SIAH3: variants seen among roughly 807,000 people sequenced by gnomAD.
SIAH3 encodes siah E3 ubiquitin protein ligase family member 3, also known as seven in absentia homolog 3.
A neutral mutation model predicts 12.6 loss-of-function variants in SIAH3; 9 were observed. The observed-to-expected ratio is 0.72, with a 90% CI of 0.43 to 1.25. The LOEUF is 1.25. SIAH3 is among the 50% of genes most tolerant of loss of function. The pLI is 0.00. For missense variants in SIAH3, 390 were observed against 365.4 expected (o/e 1.07, Z -0.55); for synonymous variants, 154 against 151.1 (o/e 1.02, Z -0.14).
At chr13:45,791,045 G>A (rs1437400902) in intron 1 of SIAH3, among the ~76,000 whole-genome samples, 1 of 151,976 alleles carries the variant, frequency 6.6e-6, no homozygotes, top group Non-Finnish European at 1.5e-5. Context: ...GGCAGCTGTG[G>A]TCCCAGCTAC....
chr13:45,840,558 A>G (rs1376481921), intron 1 of SIAH3, among the ~76,000 whole-genome samples: 1 of 152,214 alleles, frequency 6.6e-6, no homozygotes, highest in African/African-American at 2.4e-5. Context: ...TTGGGAGGCT[A>G]TTCCAGCAAG....
chr13:45,803,553 A>G (rs2137559575), intron 1 of SIAH3, among the ~76,000 whole-genome samples: 1 of 152,332 alleles, frequency 6.6e-6, no homozygotes, highest in Non-Finnish European at 1.5e-5. Flanking sequence ...ATGAATGGGA[A>G]TTATCTTGGC....
chr13:45,821,632 C>T (rs989065425), intron 1 of SIAH3, among the ~76,000 whole-genome samples: 1 of 152,158 alleles, frequency 6.6e-6, no homozygotes, highest in African/African-American at 2.4e-5. Context: ...AACCATTGTC[C>T]TAATTAACTA....
intron 1 of SIAH3, among the ~76,000 whole-genome samples, chr13:45,794,682 C>T (rs183430761): frequency 1.3e-5 from 2 of 152,298 alleles, no homozygotes; most frequent in Non-Finnish European, 2.9e-5. Flanking sequence ...CTTTGCTCCT[C>T]CTTCACTTCT....
At position 45,780,517 on chromosome 13, in the gene SIAH3, C is replaced by T. The variant is rs769608914; in HGVS notation, c.*2866G>A. 6.6e-6 allele frequency: 1 copy of T among 152,270 alleles called. No homozygotes were observed. Among genetic ancestry groups the T allele is most frequent in the African/African-American group, 2.4e-5 (1 of 41,444 alleles). 9.4% of individuals were successfully genotyped at this position (152,270 alleles called of 1,614,324 possible). On this transcript the variant is annotated 3_prime_UTR_variant, in exon 2 of 2. Coordinates refer to ENST00000400405, the MANE Select transcript of SIAH3 (RefSeq NM_198849.3). ...TCCTGAGCTCAAGCAATCCTCCTTC[C>T]TTGGCCTCCCAAAGTCCTGGGATTA...
intron 1 of SIAH3, among the ~76,000 whole-genome samples, chr13:45,837,459 G>GAGGA (rs1485333341): frequency 6.6e-6 from 1 of 151,778 alleles, no homozygotes; most frequent in Non-Finnish European, 1.5e-5. Context: ...GGAAGGAAGG[G>GAGGA]AGGAAGGAAG....
chr13:45,816,304 G>A (rs1222140757), intron 1 of SIAH3, among the ~76,000 whole-genome samples: 2 of 152,170 alleles, frequency 1.3e-5, no homozygotes, highest in African/African-American at 4.8e-5. Flanking sequence ...TACCCTTGAG[G>A]CCCTGTTTCT....
At chr13:45,826,343 GA>G in intron 1 of SIAH3, among the ~76,000 whole-genome samples, 1 of 151,530 alleles carries the variant, frequency 6.6e-6, no homozygotes, top group Non-Finnish European at 1.5e-5. Context: ...ATGGATGGAT[GA>G]GTGGGTGGGT....
In SIAH3 at chr13:45,784,070, AG is replaced by A; in HGVS notation, c.136-14del. 6.4e-7 allele frequency: 1 copy of A among 1,561,100 alleles called. No individual in the cohort carries two copies. ...GACTGGACACATACTGTAAGGAAAG[AG>A]AAGAACGTCAGTGCGGGGATGAGGC... is the stretch of plus-strand genomic sequence containing the variant. On this transcript the variant is annotated splice_polypyrimidine_tract_variant and intron_variant, in intron 1 of 1. Coordinates refer to ENST00000400405, the MANE Select transcript of SIAH3 (RefSeq NM_198849.3).
intron 1 of SIAH3, among the ~76,000 whole-genome samples, chr13:45,827,996 A>G (rs1950684964): frequency 6.6e-6 from 1 of 152,074 alleles, no homozygotes; most frequent in Non-Finnish European, 1.5e-5. Flanking sequence ...CGAGGCCCAC[A>G]TTTTCATTTT....
chr13:45,792,444 G>T (rs1295985652), intron 1 of SIAH3, among the ~76,000 whole-genome samples: 3 of 150,134 alleles, frequency 2.0e-5, no homozygotes, highest in African/African-American at 7.4e-5. Flanking sequence ...TGCAACCTTC[G>T]CCTCCTGGGT....
chr13:45,838,747 C>G (rs576862660), intron 1 of SIAH3, among the ~76,000 whole-genome samples: 1 of 152,162 alleles, frequency 6.6e-6, no homozygotes, highest in East Asian at 1.9e-4. Flanking sequence ...AATGAGGTGA[C>G]TCTGGGGCCT....
chr13:45,820,828 C>T (rs918907197), intron 1 of SIAH3, among the ~76,000 whole-genome samples: 1 of 152,184 alleles, frequency 6.6e-6, no homozygotes, highest in Non-Finnish European at 1.5e-5. Context: ...GCACTTGCTT[C>T]CTGCTGCGTT....
At chr13:45,802,646 A>G (rs1950586172) in intron 1 of SIAH3, among the ~76,000 whole-genome samples, 1 of 152,220 alleles carries the variant, frequency 6.6e-6, no homozygotes, top group South Asian at 2.1e-4. Flanking sequence ...GCAATATTCT[A>G]AAACAGAGAT....
intron 1 of SIAH3, among the ~76,000 whole-genome samples, chr13:45,800,898 G>A (rs7986499): frequency 0.3 from 45,974 of 151,766 alleles, 7,701 homozygotes; most frequent in Non-Finnish European, 0.39. Flanking sequence ...TCGTCTTTGT[G>A]GGCGACCTCT....
chr13:45,809,109 G>T (rs1204187095), intron 1 of SIAH3, among the ~76,000 whole-genome samples: 1 of 152,170 alleles, frequency 6.6e-6, no homozygotes, highest in Non-Finnish European at 1.5e-5. Context: ...CTCCTGAAGT[G>T]GACATAAATC....
At chr13:45,803,975 T>TACCTACA (rs1487789255) in intron 1 of SIAH3, among the ~76,000 whole-genome samples, 1 of 152,130 alleles carries the variant, frequency 6.6e-6, no homozygotes, top group East Asian at 1.9e-4. Context: ...TTTATCCAAT[T>TACCTACA]ACCTACAACC....
intron 1 of SIAH3, among the ~76,000 whole-genome samples, chr13:45,789,366 AT>A (rs1950538275): frequency 1.1e-4 from 1 of 9,462 alleles, no homozygotes; most frequent in Non-Finnish European, 3.4e-4. Flanking sequence ...TCATCTATCT[AT>A]CTATCTATCT....
At chr13:45,799,232 G>A (rs542746982) in intron 1 of SIAH3, among the ~76,000 whole-genome samples, 8 of 152,324 alleles carry the variant, frequency 5.3e-5, no homozygotes, top group East Asian at 1.9e-4. Flanking sequence ...AAGGTGCATG[G>A]AGAATGGAGA....
Sources: allele counts gnomAD v4.1 joint callset (sites outside exome capture counted in the v4.1 genomes callset), GRCh38; gene constraint gnomAD v4.1.1; transcripts MANE v1.5; gene names NCBI Gene and HGNC (gene_info 2026-07-23, HGNC 2026-07-21).